RBFOX1: variants seen among roughly 807,000 people sequenced by gnomAD.
RBFOX1 encodes the protein RNA binding fox-1 homolog 1.
RBFOX1 carries 8 observed loss-of-function variants against 57.7 expected under a neutral mutation model. That is an observed-to-expected ratio of 0.14 (90% CI 0.08 to 0.25). RBFOX1 has a LOEUF of 0.25. Among genes scored for constraint, RBFOX1 ranks in the 10% least tolerant of loss-of-function variants. The probability of loss-of-function intolerance (pLI) is 1.00; values close to 1 mark genes in which losing one functional copy is unlikely to be tolerated. For missense variants in RBFOX1, 611 were observed against 548.5 expected, an observed-to-expected ratio of 1.11 and a Z score of -1.14; for synonymous variants, 326 against 222.4, an observed-to-expected ratio of 1.47 and a Z score of -4.15.
intron 2 of RBFOX1, among the ~76,000 whole-genome samples, chr16:6,554,409 G>A (rs897454595): frequency 3.3e-5 from 5 of 152,220 alleles, no homozygotes; most frequent in Admixed American, 1.3e-4. Flanking sequence ...AAATGTGCAC[G>A]AGGCTTCCCT....
At chr16:7,026,400 G>A (rs955684325) in intron 3 of RBFOX1, among the ~76,000 whole-genome samples, 6 of 152,102 alleles carry the variant, frequency 3.9e-5, no homozygotes, top group African/African-American at 1.4e-4. Flanking sequence ...GAATTAAGTG[G>A]GTAAAGAACA....
chr16:5,807,293 G>A (rs753031862), intron 3 of RBFOX1, among the ~76,000 whole-genome samples: 2 of 152,058 alleles, frequency 1.3e-5, no homozygotes, highest in African/African-American at 2.4e-5. Context: ...TGTATCCTCA[G>A]TTTGAGGCTC....
At position 5,767,620 on chromosome 16, in the gene RBFOX1, C is replaced by T. The variant is rs186133401; in HGVS notation, c.319-99683C>T. Among the ~76,000 whole-genome samples, 8 of 152,290 alleles carry T rather than the reference C, an allele frequency of 5.3e-5. No individual in the cohort carries two copies. In the East Asian group the frequency reaches 1.5e-3, roughly 29 times the overall value. On this transcript the variant is annotated intron_variant, in intron 3 of 19. Transcript: ENST00000641259. ...TTTTGTCACACGCCTTCCAAGGACA[C>T]AACGGGATTTGCCAGGACATTCTTG...
chr16:7,700,750 T>C (rs2080407629), intron 14 of RBFOX1, among the ~76,000 whole-genome samples: 1 of 152,198 alleles, frequency 6.6e-6, no homozygotes, highest in African/African-American at 2.4e-5. Context: ...TTACTTACTG[T>C]GTCTTCTCTA....
chr16:6,311,214 T>C (rs1227844646), intron 1 of RBFOX1, among the ~76,000 whole-genome samples: 1 of 141,912 alleles, frequency 7.0e-6, no homozygotes, highest in Non-Finnish European at 1.5e-5. Flanking sequence ...AAGAATCTCT[T>C]GAACACAGGA....
chr16:6,227,089 A>C (rs554445609), intron 1 of RBFOX1, among the ~76,000 whole-genome samples: 1 of 151,578 alleles, frequency 6.6e-6, no homozygotes, highest in Non-Finnish European at 1.5e-5. Flanking sequence ...GTGCCACTGA[A>C]CTCCAGCGTA....
At chr16:6,548,789 T>A (rs1229834610) in intron 2 of RBFOX1, among the ~76,000 whole-genome samples, 2 of 152,010 alleles carry the variant, frequency 1.3e-5, no homozygotes, top group Non-Finnish European at 2.9e-5. Context: ...GAAGTTAGCA[T>A]CCTTGGCTGG....
rs575208503 is a variant in RBFOX1, at chr16:6,435,967, A to AT, written c.-64+118912dup. 6.6e-3 allele frequency among the ~76,000 whole-genome samples: 1,011 copies of AT among 152,190 alleles called. 10 individuals carry two copies. Among genetic ancestry groups the AT allele is most frequent in the African/African-American group, 0.023 (970 of 41,510 alleles). Reference sequence around the variant, plus strand: ...TTCACTTAGCATGTGATGGTTTTTCATTCTTCTCTTTGTTGTTTGGAGGTC... The same window carrying AT: ...TTCACTTAGCATGTGATGGTTTTTCATTTCTTCTCTTTGTTGTTTGGAGGTC... On this transcript the variant is annotated intron_variant, in intron 2 of 15. Transcript: ENST00000550418.
At chr16:5,457,912 A>G (rs1401368058) in intron 1 of RBFOX1, among the ~76,000 whole-genome samples, 1 of 152,188 alleles carries the variant, frequency 6.6e-6, no homozygotes, top group Non-Finnish European at 1.5e-5. Flanking sequence ...TATATGAATA[A>G]ACGAAAGCCA....
chr16:6,352,005 C>T (rs1332275980), intron 2 of RBFOX1, among the ~76,000 whole-genome samples: 1 of 152,116 alleles, frequency 6.6e-6, no homozygotes, highest in African/African-American at 2.4e-5. Context: ...TGTATTTACC[C>T]AAACCTACCC....
At chr16:5,513,036 C>G (rs116681156) in intron 2 of RBFOX1, among the ~76,000 whole-genome samples, 2,193 of 152,282 alleles carry the variant, frequency 0.014, 27 homozygotes, top group Middle Eastern at 0.041. Context: ...CCACCTCAGC[C>G]TTACAAATAG....
At chr16:6,002,451 C>T (rs1232716590) in intron 4 of RBFOX1, among the ~76,000 whole-genome samples, 1 of 152,172 alleles carries the variant, frequency 6.6e-6, no homozygotes, top group African/African-American at 2.4e-5. Context: ...ATGGCATGCA[C>T]CTTTGCATTT....
At chr16:7,259,645 C>G (rs1022557519) in intron 4 of RBFOX1, among the ~76,000 whole-genome samples, 6 of 151,956 alleles carry the variant, frequency 3.9e-5, no homozygotes, top group African/African-American at 1.5e-4. Context: ...ATAAACAAGC[C>G]TATAGCTTTT....
intron 3 of RBFOX1, among the ~76,000 whole-genome samples, chr16:5,632,940 CT>C (rs71142634): frequency 2.9e-4 from 37 of 125,592 alleles, no homozygotes; most frequent in East Asian, 9.1e-4. Flanking sequence ...TTAACAACTC[CT>C]TTTTTTTTTT....
At chr16:7,143,595 C>G (rs1165143109) in intron 4 of RBFOX1, among the ~76,000 whole-genome samples, 1 of 152,120 alleles carries the variant, frequency 6.6e-6, no homozygotes, top group African/African-American at 2.4e-5. Context: ...ACCTCCTTCT[C>G]ACTCACCCTT....
At chr16:6,893,786 C>T (rs2066093596) in intron 3 of RBFOX1, among the ~76,000 whole-genome samples, 1 of 152,148 alleles carries the variant, frequency 6.6e-6, no homozygotes, top group Non-Finnish European at 1.5e-5. Context: ...GAGAAGTATT[C>T]TTTCAAGGTA....
chr16:6,418,250 T>C (rs778757562), intron 2 of RBFOX1, among the ~76,000 whole-genome samples: 43 of 152,212 alleles, frequency 2.8e-4, no homozygotes, highest in Non-Finnish European at 5.7e-4. Context: ...AGCCAGTGAG[T>C]GGCCGGGTCT....
intron 3 of RBFOX1, among the ~76,000 whole-genome samples, chr16:5,758,582 C>A (rs933633717): frequency 6.6e-6 from 1 of 152,148 alleles, no homozygotes; most frequent in African/African-American, 2.4e-5. Flanking sequence ...TCTTAGAATG[C>A]AAGAATGTAG....
At chr16:7,175,101 T>G (rs2081393022) in intron 4 of RBFOX1, among the ~76,000 whole-genome samples, 1 of 152,092 alleles carries the variant, frequency 6.6e-6, no homozygotes, top group Non-Finnish European at 1.5e-5. Flanking sequence ...GTTACATAGG[T>G]AAATGTATGT....
Sources: allele counts gnomAD v4.1 joint callset (sites outside exome capture counted in the v4.1 genomes callset), GRCh38; gene constraint gnomAD v4.1.1; transcripts MANE v1.5; gene names NCBI Gene and HGNC (gene_info 2026-07-23, HGNC 2026-07-21).